The following LRP6 variants were observed in gnomAD, a reference collection of about 807,000 sequenced individuals.
The protein encoded by LRP6 is low-density lipoprotein receptor-related protein 6.
A neutral mutation model predicts 184.1 loss-of-function variants in LRP6; 43 were observed. That is an observed-to-expected ratio of 0.23 (90% CI 0.18 to 0.30). LRP6 has a LOEUF of 0.30. Among genes scored for constraint, LRP6 ranks in the 10% least tolerant of loss-of-function variants. The pLI, the probability that LRP6 is intolerant of heterozygous loss-of-function variation, is 1.00. For synonymous variants in LRP6, 719 were observed against 684.9 expected (o/e 1.05, Z -0.78); for missense variants, 1,571 against 2,005.3 (o/e 0.78, Z 4.14).
chr12:12,150,447 A>G (rs1018089856), intron 13 of LRP6, among the ~76,000 whole-genome samples: 1 of 152,186 alleles, frequency 6.6e-6, no homozygotes, highest in Non-Finnish European at 1.5e-5. Flanking sequence ...TGTGCTTTGC[A>G]TTCTTTTCAG....
intron 1 of LRP6, among the ~76,000 whole-genome samples, chr12:12,264,726 C>T (rs1012451893): frequency 6.6e-6 from 1 of 152,056 alleles, no homozygotes; most frequent in Non-Finnish European, 1.5e-5. Context: ...AAATTATGAA[C>T]AAAAATATTT....
rs760616607 is a variant in LRP6, at chr12:12,179,966, A to T, written c.1389T>A (p.Thr463=). The T allele has an allele frequency of 1.2e-6, 2 of 1,613,692 alleles. No individual in the cohort carries two copies. The highest frequency in any genetic ancestry group is 1.7e-6 in the Non-Finnish European group (2 of 1,179,626). ...CAATTTTCGGAATTTCTCCCCAGTCAGTCCAATACATGTACCTAGAGAAGT... is the reference window on the plus strand; with the variant it reads ...CAATTTTCGGAATTTCTCCCCAGTCTGTCCAATACATGTACCTAGAGAAGT... The part of the protein sequence containing the change: ...LDPMVGYMYW[T]DWGEIPKIER... The change falls in exon 7 of 23, where the codon ACT becomes ACA. Residue 463 remains threonine (T), a synonymous_variant. Coordinates refer to ENST00000261349, the MANE Select transcript of LRP6 (RefSeq NM_002336.3).
chr12:12,228,230 A>G lies in LRP6; in HGVS notation c.449+16032T>C, dbSNP rs114105566. The stretch of plus-strand genomic sequence containing the variant: ...CTACTAAAAATACAAAAATTAGCTG[A>G]TGCACGCCTGTAGTCCCAGCTACTG... On this transcript the variant is annotated intron_variant, in intron 2 of 22. Transcript: ENST00000261349. Among the ~76,000 whole-genome samples, 831 of 152,014 alleles carry G rather than the reference A, an allele frequency of 5.5e-3. 7 individuals are homozygous for G. Among genetic ancestry groups the G allele is most frequent in the African/African-American group, 0.019 (770 of 41,484 alleles).
intron 2 of LRP6, among the ~76,000 whole-genome samples, chr12:12,227,659 T>C (rs1280541544): frequency 6.6e-6 from 1 of 152,166 alleles, no homozygotes. Flanking sequence ...GCCACCCGCC[T>C]TGGCCTCCCA....
chr12:12,260,815 G>A (rs1865595864), intron 1 of LRP6, among the ~76,000 whole-genome samples: 1 of 152,156 alleles, frequency 6.6e-6, no homozygotes, highest in South Asian at 2.1e-4. Flanking sequence ...ATGTCTTTCT[G>A]CTATAGTACC....
At chr12:12,129,421 C>T (rs1207565449) in intron 19 of LRP6, among the ~76,000 whole-genome samples, 2 of 152,146 alleles carry the variant, frequency 1.3e-5, no homozygotes, top group East Asian at 1.9e-4. Context: ...TTTGGCAGTC[C>T]CATTACATGG....
intron 4 of LRP6, among the ~76,000 whole-genome samples, chr12:12,184,409 C>CAAAAA (rs72347600): frequency 1.1e-4 from 16 of 151,612 alleles, no homozygotes; most frequent in Non-Finnish European, 8.8e-5. Flanking sequence ...AACAAACAAA[C>CAAAAA]AAAACCAATA....
chr12:12,175,992 T>C (rs1349564409), intron 7 of LRP6, among the ~76,000 whole-genome samples: 2 of 149,608 alleles, frequency 1.3e-5, no homozygotes, highest in Non-Finnish European at 3.0e-5. Context: ...AGGCCCTCAG[T>C]GCAACAAACG....
At chr12:12,233,341 G>T (rs1185649197) in intron 2 of LRP6, among the ~76,000 whole-genome samples, 1 of 152,088 alleles carries the variant, frequency 6.6e-6, no homozygotes, top group Admixed American at 6.6e-5. Flanking sequence ...GGTGGTGGGT[G>T]CTTATAGTCC....
chr12:12,257,033 A>C (rs1865481499), intron 1 of LRP6, among the ~76,000 whole-genome samples: 1 of 152,210 alleles, frequency 6.6e-6, no homozygotes, highest in Non-Finnish European at 1.5e-5. Flanking sequence ...ATTTTATTCC[A>C]TTTATATGAA....
At chr12:12,186,814 C>A (rs1863487571) in intron 4 of LRP6, 109 bp downstream of exon 4, 3 of 987,686 alleles carry the variant, frequency 3.0e-6, no homozygotes, top group Non-Finnish European at 4.9e-6. Flanking sequence ...TTTATTCCCG[C>A]CAACTATCTT....
intron 14 of LRP6, among the ~76,000 whole-genome samples, chr12:12,148,281 A>C (rs1195626194): frequency 6.6e-6 from 1 of 151,964 alleles, no homozygotes; most frequent in Non-Finnish European, 1.5e-5. Flanking sequence ...CCTTAACACA[A>C]AATTTTAAAT....
intron 3 of LRP6, among the ~76,000 whole-genome samples, chr12:12,199,963 T>C (rs1863869035): frequency 2.0e-5 from 1 of 50,522 alleles, no homozygotes; most frequent in Middle Eastern, 0.022. Context: ...AGACTCCATC[T>C]CAAAAAAAAA....
chr12:12,141,055 A>G lies in LRP6; in HGVS notation c.3398-2521T>C, dbSNP rs575992185. Among the ~76,000 whole-genome samples the G allele has an allele frequency of 6.6e-5, 10 of 152,354 alleles. No individual in the cohort carries two copies. The South Asian group carries it at 1.7e-3, about 25-fold the overall frequency. On this transcript the variant is annotated intron_variant, in intron 15 of 22. Coordinates refer to ENST00000261349, the MANE Select transcript of LRP6 (RefSeq NM_002336.3). ...CAAAGGTTATCTACAGAAAAACCTT[A>G]GCAAAGAATACTTAATCACAAAGTA...
chr12:12,188,727 G>T (rs1354064160), intron 3 of LRP6, among the ~76,000 whole-genome samples: 1 of 152,120 alleles, frequency 6.6e-6, no homozygotes, highest in Non-Finnish European at 1.5e-5. Flanking sequence ...TTCCCAAAGA[G>T]AACTGTCACA....
intron 12 of LRP6, among the ~76,000 whole-genome samples, chr12:12,151,478 G>GA (rs200629196): frequency 0.013 from 1,240 of 94,488 alleles, 4 homozygotes; most frequent in East Asian, 0.027. Context: ...CCCATCTAAG[G>GA]AAAAAAAAAA....
chr12:12,231,180 CAAAAAAAAAAAA>C (rs10661340), intron 2 of LRP6, among the ~76,000 whole-genome samples: 15 of 23,568 alleles, frequency 6.4e-4, no homozygotes, highest in South Asian at 3.0e-3. Flanking sequence ...GACTCCATCT[CAAAAAAAAAAAA>C]AAAAAAAAAA....
At chr12:12,167,353 G>A (rs1246125101) in intron 7 of LRP6, among the ~76,000 whole-genome samples, 1 of 152,044 alleles carries the variant, frequency 6.6e-6, no homozygotes, top group Non-Finnish European at 1.5e-5. Flanking sequence ...AAATAAAATA[G>A]GGACAGCAGT....
At chr12:12,170,162 C>T (rs1862994683) in intron 7 of LRP6, among the ~76,000 whole-genome samples, 2 of 151,970 alleles carry the variant, frequency 1.3e-5, no homozygotes, top group African/African-American at 2.4e-5. Flanking sequence ...TGGTGAAGCC[C>T]CCTCTCTACT....
Sources: gnomAD v4.1 joint callset for allele counts (sites outside exome capture counted in the v4.1 genomes callset) on GRCh38, gnomAD v4.1.1 for gene constraint, MANE v1.5 for transcripts, NCBI Gene and HGNC (gene_info 2026-07-23, HGNC 2026-07-21) for gene names.